STON1: variants seen among roughly 807,000 people sequenced by gnomAD.
The protein encoded by STON1 is stonin 1.
Under a neutral mutation model 60.9 loss-of-function variants are expected in STON1, and 79 were observed. The observed-to-expected ratio is 1.30, with a 90% confidence interval of 1.08 to 1.56. STON1 has a LOEUF of 1.56. Ranked by LOEUF, STON1 falls within the 40% of genes most tolerant of loss-of-function variation. The pLI is 0.00. For synonymous variants in STON1, 363 were observed against 306.9 expected (o/e 1.18, Z -1.91); for missense variants, 1,166 against 858.9 (o/e 1.36, Z -4.47).
At chr2:48,585,649 G>C (rs990538532) in intron 2 of STON1, among the ~76,000 whole-genome samples, 1 of 152,182 alleles carries the variant, frequency 6.6e-6, no homozygotes, top group African/African-American at 2.4e-5. Context: ...GTTCCAAATG[G>C]TCTATTCTAA....
chr2:48,534,760 C>T (rs1300607051), intron 1 of STON1, among the ~76,000 whole-genome samples: 1 of 152,070 alleles, frequency 6.6e-6, no homozygotes, highest in Non-Finnish European at 1.5e-5. Context: ...CCAGCCTCGG[C>T]AACAGAGCGA....
At position 48,596,669 on chromosome 2, in the gene STON1, T is replaced by C. The variant is rs942786805; in HGVS notation, c.*1367T>C. On this transcript the variant is annotated 3_prime_UTR_variant, in exon 4 of 4. Coordinates refer to ENST00000404752, the MANE Select transcript of STON1 (RefSeq NM_006873.4). ...GTGTTGGCCTACAGAGTTTATTTCATGTGTTTTTTTTAATATTTAATATTA... is the reference window on the plus strand; with the variant it reads ...GTGTTGGCCTACAGAGTTTATTTCACGTGTTTTTTTTAATATTTAATATTA... The C allele has an allele frequency of 6.6e-6, 1 of 152,180 alleles. No individual in the cohort carries two copies. Among genetic ancestry groups the C allele is most frequent in the Admixed American group, 6.5e-5 (1 of 15,282 alleles). 9.4% of individuals were successfully genotyped at this position (152,180 alleles called of 1,614,324 possible).
chr2:48,594,200 A>G (rs1674678598), intron 3 of STON1, among the ~76,000 whole-genome samples: 1 of 152,104 alleles, frequency 6.6e-6, no homozygotes, highest in Non-Finnish European at 1.5e-5. Flanking sequence ...TCCATCTCAG[A>G]GTTTATTTCT....
chr2:48,537,930 T>G (rs1473023636), intron 1 of STON1, among the ~76,000 whole-genome samples: 1 of 151,730 alleles, frequency 6.6e-6, no homozygotes, highest in Non-Finnish European at 1.5e-5. Context: ...ATTGGCCCTA[T>G]AAAGTAATCA....
chr2:48,539,318 A>G (rs1200714618), intron 1 of STON1, among the ~76,000 whole-genome samples: 1 of 151,868 alleles, frequency 6.6e-6, no homozygotes, highest in East Asian at 1.9e-4. Flanking sequence ...GCTTGTTCTT[A>G]TCTATATTTT....
chr2:48,554,728 TTA>T lies in STON1; in HGVS notation c.-48+24514_-48+24515del, dbSNP rs1558589145. 2.0e-4 allele frequency among the ~76,000 whole-genome samples: 24 copies of T among 117,626 alleles called. 3 individuals are homozygous for T. Among genetic ancestry groups the T allele is most frequent in the African/African-American group, 4.5e-4 (15 of 33,038 alleles). 77.2% of individuals were successfully genotyped at this position (117,626 alleles called of 152,430 possible). A position where few individuals can be genotyped will look rare whatever the true frequency, so the allele number is the denominator to read the frequency against. ...CAAAATTTTTTTTTTTTTTTTTTAT[TTA>T]TTTATTTATTTTTTTATTGATAATT... On this transcript the variant is annotated intron_variant, in intron 1 of 3. Transcript: ENST00000404752.
At chr2:48,577,687 C>G (rs1450450686) in intron 1 of STON1, among the ~76,000 whole-genome samples, 1 of 151,414 alleles carries the variant, frequency 6.6e-6, no homozygotes, top group African/African-American at 2.4e-5. Flanking sequence ...ACAATCTTGA[C>G]TCACTGCTAC....
chr2:48,570,871 T>G (rs966224623), intron 1 of STON1, among the ~76,000 whole-genome samples: 6 of 134,132 alleles, frequency 4.5e-5, no homozygotes, highest in South Asian at 4.7e-4. Context: ...TTTTTTTTTT[T>G]GTCTTTCCCC....
intron 1 of STON1, among the ~76,000 whole-genome samples, chr2:48,540,992 A>G (rs926495546): frequency 6.6e-6 from 1 of 152,216 alleles, no homozygotes; most frequent in African/African-American, 2.4e-5. Flanking sequence ...TTTCTACCCA[A>G]TCCGTCATAC....
chr2:48,595,678 C>T lies in STON1; in HGVS notation c.*376C>T, dbSNP rs544086883. 1.2e-3 allele frequency: 311 copies of T among 255,236 alleles called. 9 individuals carry two copies. The highest frequency in any genetic ancestry group is 3.4e-4 in the Admixed American group (6 of 17,798). 15.8% of individuals were successfully genotyped at this position (255,236 alleles called of 1,614,324 possible). On this transcript the variant is annotated 3_prime_UTR_variant, in exon 4 of 4. Transcript: ENST00000404752. ...CTTCATTTCTTCCCATCTCTTCTTG[C>T]TGCTTAGTGTCTGTACTAGAGGGTA...
At chr2:48,551,078 T>C (rs1672084123) in intron 1 of STON1, among the ~76,000 whole-genome samples, 1 of 152,078 alleles carries the variant, frequency 6.6e-6, no homozygotes, top group South Asian at 2.1e-4. Flanking sequence ...GGGGGGTACA[T>C]TTGCAGGTTT....
At chr2:48,564,404 T>TTTC (rs1558603749) in intron 1 of STON1, among the ~76,000 whole-genome samples, 1 of 128,534 alleles carries the variant, frequency 7.8e-6, no homozygotes, top group African/African-American at 2.9e-5. Flanking sequence ...GCAGTGGCGG[T>TTTC]GTCTTCTTCT....
chr2:48,587,216 A>G (rs1487514714), intron 2 of STON1, among the ~76,000 whole-genome samples: 1 of 152,236 alleles, frequency 6.6e-6, no homozygotes, highest in Non-Finnish European at 1.5e-5. Context: ...TCCCCTAGGC[A>G]GAGATCATTC....
At position 48,596,225 on chromosome 2, in the gene STON1, C is replaced by G. The variant is rs927564012; in HGVS notation, c.*923C>G. On this transcript the variant is annotated 3_prime_UTR_variant, in exon 4 of 4. Transcript: ENST00000404752. Reference sequence around the variant, plus strand: ...ACATTATGATTATTTTATACTAGTTCTGCTATCATGCTGTTTTATGCTAAT... The same window carrying G: ...ACATTATGATTATTTTATACTAGTTGTGCTATCATGCTGTTTTATGCTAAT... 5.0e-4 allele frequency: 76 copies of G among 152,248 alleles called. No individual in the cohort carries two copies. Among genetic ancestry groups the G allele is most frequent in the African/African-American group, 1.7e-3 (71 of 41,556 alleles). 9.4% of individuals were successfully genotyped at this position (152,248 alleles called of 1,614,324 possible).
chr2:48,583,602 G>C (rs1000233075), intron 2 of STON1, among the ~76,000 whole-genome samples: 37 of 145,088 alleles, frequency 2.6e-4, no homozygotes, highest in African/African-American at 9.2e-4. Flanking sequence ...TCCTATTTTA[G>C]TTGAGGGTTG....
rs181892232 is a variant in STON1, at chr2:48,532,206, G to T, written c.-48+1990G>T. On this transcript the variant is annotated intron_variant, in intron 1 of 3. Transcript: ENST00000404752. ...CTATTAAAAATACAAAAGCTAGCTGGGCCAGGTGGCGGGAACCTGTAATTC... is the reference window on the plus strand; with the variant it reads ...CTATTAAAAATACAAAAGCTAGCTGTGCCAGGTGGCGGGAACCTGTAATTC... 2.2e-4 allele frequency among the ~76,000 whole-genome samples: 34 copies of T among 152,090 alleles called. No homozygotes were observed. The Middle Eastern group carries it at 0.017, about 76-fold the overall frequency.
At chr2:48,563,584 G>T (rs1367540664) in intron 1 of STON1, among the ~76,000 whole-genome samples, 2 of 152,198 alleles carry the variant, frequency 1.3e-5, no homozygotes, top group Non-Finnish European at 2.9e-5. Flanking sequence ...GTGTCCAGAG[G>T]TAAAGGTGGA....
chr2:48,581,863 C>T lies in STON1; in HGVS notation c.1230C>T (p.Tyr410=), dbSNP rs780779750. 3.1e-5 allele frequency: 50 copies of T among 1,613,890 alleles called. 1 individual carries two copies. Among genetic ancestry groups the T allele is most frequent in the Middle Eastern group, 3.3e-4 (2 of 6,082 alleles). ...LPAVSKPKKN[Y]EEQEISLEIV... ...CTGTTTCAAAACCAAAAAAGAACTA[C>T]GAGGAGCAAGAAATTTCCTTGGAAA... is the stretch of plus-strand genomic sequence containing the variant. The change falls in exon 2 of 4, where the codon TAC becomes TAT. Residue 410 remains tyrosine (Y), a synonymous_variant. Coordinates refer to ENST00000404752, the MANE Select transcript of STON1 (RefSeq NM_006873.4).
intron 1 of STON1, among the ~76,000 whole-genome samples, chr2:48,536,672 A>G (rs948680318): frequency 1.3e-5 from 2 of 151,970 alleles, no homozygotes; most frequent in Non-Finnish European, 2.9e-5. Context: ...GATTTGACCA[A>G]TTTATATAAA....
Sources: gnomAD v4.1 joint callset for allele counts (sites outside exome capture counted in the v4.1 genomes callset) on GRCh38, gnomAD v4.1.1 for gene constraint, MANE v1.5 for transcripts, NCBI Gene and HGNC (gene_info 2026-07-23, HGNC 2026-07-21) for gene names.